Variants in PCDH11Y observed in about 807,000 individuals in gnomAD.
The protein encoded by PCDH11Y is protocadherin 11 Y-linked.
For missense variants in PCDH11Y, 12 were observed against 224.8 expected (o/e 0.05, Z 6.05); for synonymous variants, 9 against 83.6 (o/e 0.11, Z 4.87).
At chrY:5,034,155 T>A in intron 3 of PCDH11Y, among the ~76,000 whole-genome samples, 1 of 32,745 alleles carries the variant, frequency 3.1e-5, no homozygotes, top group African/African-American at 1.2e-4. Flanking sequence ...CAATCATCCC[T>A]TTTCTCTCTT....
At chrY:5,325,169 C>A in intron 2 of PCDH11Y, among the ~76,000 whole-genome samples, 1 of 33,498 alleles carries the variant, frequency 3.0e-5, no homozygotes, top group African/African-American at 1.2e-4. Flanking sequence ...TTACTTCAGG[C>A]CATCTGGTCG....
intron 2 of PCDH11Y, among the ~76,000 whole-genome samples, chrY:5,463,068 A>G: frequency 3.4e-5 from 1 of 29,459 alleles, no homozygotes; most frequent in East Asian, 9.3e-4. Context: ...ACAAGTATCT[A>G]TGAGCATCTG....
At chrY:5,531,510 A>G in intron 3 of PCDH11Y, among the ~76,000 whole-genome samples, 1 of 33,188 alleles carries the variant, frequency 3.0e-5, no homozygotes. Flanking sequence ...TGTATCATGC[A>G]GTCTTCTTCC....
intron 4 of PCDH11Y, among the ~76,000 whole-genome samples, chrY:5,678,458 GAATA>G (rs2053555458): frequency 3.0e-5 from 1 of 32,826 alleles, no homozygotes; most frequent in Non-Finnish European, 7.5e-5. Flanking sequence ...TAAGAAAAAA[GAATA>G]AATAAAATGC....
chrY:5,720,908 G>T (rs536858929), intron 4 of PCDH11Y, among the ~76,000 whole-genome samples: 1,853 of 32,572 alleles, frequency 0.057, no homozygotes, highest in South Asian at 0.28. Flanking sequence ...CCAACTCCAA[G>T]TCTAGGGTTA....
chrY:5,634,077 C>T (rs1201320274), intron 4 of PCDH11Y, among the ~76,000 whole-genome samples: 1 of 24,596 alleles, frequency 4.1e-5, no homozygotes, highest in Non-Finnish European at 9.4e-5. Context: ...AGCCGGGCGT[C>T]GTGGCGGGCG....
chrY:5,477,993 G>T, intron 2 of PCDH11Y, among the ~76,000 whole-genome samples: 1 of 32,258 alleles, frequency 3.1e-5, no homozygotes, highest in Non-Finnish European at 7.6e-5. Flanking sequence ...TGATTTTTTT[G>T]AAGGGTTTTT....
chrY:5,523,319 G>A (rs2053383266), intron 3 of PCDH11Y, among the ~76,000 whole-genome samples: 1 of 32,590 alleles, frequency 3.1e-5, no homozygotes, highest in East Asian at 7.9e-4. Context: ...TATGAATATA[G>A]TAATAATAGC....
intron 3 of PCDH11Y, among the ~76,000 whole-genome samples, chrY:5,050,762 A>G (rs2052650261): frequency 3.1e-5 from 1 of 32,356 alleles, no homozygotes; most frequent in Non-Finnish European, 7.6e-5. Context: ...AATTCATGGA[A>G]TAGTGACTAA....
intron 4 of PCDH11Y, among the ~76,000 whole-genome samples, chrY:5,600,329 G>A (rs1602948683): frequency 3.1e-3 from 88 of 28,556 alleles, no homozygotes; most frequent in African/African-American, 0.011. Flanking sequence ...TTAGTAGGAT[G>A]GGGGTTTCAC....
At chrY:5,420,829 AGAAT>A (rs2053256935) in intron 2 of PCDH11Y, among the ~76,000 whole-genome samples, 1 of 30,595 alleles carries the variant, frequency 3.3e-5, no homozygotes, top group Non-Finnish European at 7.8e-5. Context: ...AGAAATATCA[AGAAT>A]GAAAGAGATA....
intron 2 of PCDH11Y, among the ~76,000 whole-genome samples, chrY:5,453,111 C>T: frequency 3.0e-5 from 1 of 33,121 alleles, no homozygotes; most frequent in Non-Finnish European, 7.4e-5. Context: ...CTGAAGGCAT[C>T]ACCTTACCTG....
chrY:5,067,236 A>C, intron 1 of PCDH11Y, among the ~76,000 whole-genome samples: 1 of 32,005 alleles, frequency 3.1e-5, no homozygotes, highest in South Asian at 7.2e-4. Flanking sequence ...TTTACGTGTA[A>C]GGTAACCAGT....
At chrY:5,226,865 A>T in intron 2 of PCDH11Y, among the ~76,000 whole-genome samples, 1 of 28,978 alleles carries the variant, frequency 3.5e-5, no homozygotes, top group Non-Finnish European at 8.2e-5. Flanking sequence ...TTATTTGAGG[A>T]CATGTTATGT....
chrY:5,170,206 A>G (rs1602879558), intron 2 of PCDH11Y, among the ~76,000 whole-genome samples: 18 of 29,671 alleles, frequency 6.1e-4, no homozygotes, highest in African/African-American at 2.3e-3. Context: ...GCATCTCATT[A>G]ATTCTGATTT....
At chrY:5,200,432 G>C (rs2052925498) in intron 2 of PCDH11Y, among the ~76,000 whole-genome samples, 1 of 32,250 alleles carries the variant, frequency 3.1e-5, no homozygotes, top group Non-Finnish European at 7.5e-5. Context: ...ATGGCCCACT[G>C]CCCACATGTA....
chrY:5,302,003 A>G (rs2053082950), intron 2 of PCDH11Y, among the ~76,000 whole-genome samples: 1 of 29,850 alleles, frequency 3.4e-5, no homozygotes, highest in South Asian at 7.9e-4. Flanking sequence ...TTTCCACTTC[A>G]TGAACTTCAG....
At chrY:5,413,995 T>C (rs2053250711) in intron 2 of PCDH11Y, among the ~76,000 whole-genome samples, 1 of 33,303 alleles carries the variant, frequency 3.0e-5, no homozygotes, top group Non-Finnish European at 7.4e-5. Context: ...CTTTTTTTCT[T>C]TATCTAGCTA....
intron 3 of PCDH11Y, among the ~76,000 whole-genome samples, chrY:5,535,868 C>G: frequency 9.1e-5 from 3 of 32,926 alleles, no homozygotes; most frequent in Non-Finnish European, 2.3e-4. Context: ...AAAGTGTTCC[C>G]TTTTCACCAC....
Sources: gnomAD v4.1 joint callset for allele counts (sites outside exome capture counted in the v4.1 genomes callset) on GRCh38, gnomAD v4.1.1 for gene constraint, MANE v1.5 for transcripts, NCBI Gene and HGNC (gene_info 2026-07-23, HGNC 2026-07-21) for gene names.